The following DOCK1 variants were observed in gnomAD, a reference collection of about 807,000 sequenced individuals.
The protein encoded by DOCK1 is dedicator of cytokinesis 1.
Under a neutral mutation model 262.7 loss-of-function variants are expected in DOCK1, and 138 were observed. That is an observed-to-expected ratio of 0.53 (90% confidence interval 0.46 to 0.61). The LOEUF is 0.61. DOCK1 is among the 20% of genes least tolerant of loss of function. DOCK1 has a pLI of 0.00. For missense variants in DOCK1, 1,908 were observed against 2,370.7 expected (o/e 0.80, Z 4.05); for synonymous variants, 866 against 867.4 (o/e 1.00, Z 0.03).
intron 21 of DOCK1, among the ~76,000 whole-genome samples, chr10:127,050,972 TA>T (rs879685048): frequency 1.3e-5 from 2 of 152,058 alleles, no homozygotes; most frequent in African/African-American, 2.4e-5. Context: ...AGCAAGGAAT[TA>T]AAAAAACCTA....
intron 2 of DOCK1, among the ~76,000 whole-genome samples, chr10:126,973,425 C>T (rs894382947): frequency 6.6e-6 from 1 of 152,044 alleles, no homozygotes; most frequent in African/African-American, 2.4e-5. Flanking sequence ...GTGGACTCCT[C>T]GGGCATGTCA....
chr10:127,261,666 T>C (rs12356957), intron 29 of DOCK1, among the ~76,000 whole-genome samples: 7,528 of 61,786 alleles, frequency 0.12, 669 homozygotes, highest in East Asian at 0.15. Context: ...TGTGGGTGTG[T>C]GTGTACCTGC....
chr10:127,256,796 G>C (rs2059838660), intron 28 of DOCK1, among the ~76,000 whole-genome samples: 1 of 152,150 alleles, frequency 6.6e-6, no homozygotes. Flanking sequence ...TGCCATCTAG[G>C]AGAGTTTGGC....
chr10:127,251,675 TC>T, intron 28 of DOCK1, among the ~76,000 whole-genome samples: 1 of 150,806 alleles, frequency 6.6e-6, no homozygotes, highest in Non-Finnish European at 1.5e-5. Context: ...AATGATGATT[TC>T]CAATTTCATC....
chr10:127,306,909 A>G (rs1329714219), intron 29 of DOCK1, among the ~76,000 whole-genome samples: 1 of 152,202 alleles, frequency 6.6e-6, no homozygotes, highest in East Asian at 1.9e-4. Flanking sequence ...ACTTACATGT[A>G]TTATGTGCAA....
chr10:126,984,325 T>A (rs1262141224), intron 4 of DOCK1, among the ~76,000 whole-genome samples: 1 of 152,114 alleles, frequency 6.6e-6, no homozygotes, highest in Non-Finnish European at 1.5e-5. Flanking sequence ...TCAAAAAAAA[T>A]TATTATTATT....
At chr10:126,998,830 A>G (rs1210510895) in intron 8 of DOCK1, 1 of 157,218 alleles carries the variant, frequency 6.4e-6, no homozygotes, top group Non-Finnish European at 1.4e-5. Flanking sequence ...ACTATGTATG[A>G]ATTATGTGTG....
At chr10:127,302,308 C>T (rs370836871) in intron 29 of DOCK1, among the ~76,000 whole-genome samples, 47 of 152,140 alleles carry the variant, frequency 3.1e-4, no homozygotes, top group Middle Eastern at 6.8e-3. Context: ...AGAGCAGAGT[C>T]GTGTGCAGAC....
At chr10:127,440,127 C>A (rs1215404314) in intron 49 of DOCK1, among the ~76,000 whole-genome samples, 2 of 124,320 alleles carry the variant, frequency 1.6e-5, no homozygotes, top group Admixed American at 1.1e-4. Context: ...GGGAGGGGAG[C>A]AGGCGTGTCA....
At chr10:127,362,839 A>ACATGCACGTCCCCC in intron 33 of DOCK1, among the ~76,000 whole-genome samples, 1 of 7,506 alleles carries the variant, frequency 1.3e-4, no homozygotes. Context: ...CCACACATAC[A>ACATGCACGTCCCCC]CACACACACA....
chr10:126,981,833 C>T, intron 3 of DOCK1, 85 bp from the exon 4 acceptor site: 1 of 1,410,950 alleles, frequency 7.1e-7, no homozygotes, highest in Non-Finnish European at 9.7e-7. Flanking sequence ...CACCCCTCAC[C>T]CCACCTTTTT....
At chr10:127,288,040 G>T (rs1423344227) in intron 29 of DOCK1, among the ~76,000 whole-genome samples, 3 of 152,190 alleles carry the variant, frequency 2.0e-5, no homozygotes, top group Admixed American at 6.5e-5. Context: ...ATAAATGCTT[G>T]TCTCTTTCAT....
rs955464548 is a variant in DOCK1 at position 127,014,597 on chromosome 10, A to G, written c.1201+2223A>G. 3.9e-5 allele frequency among the ~76,000 whole-genome samples: 6 copies of G among 152,300 alleles called. No individual in the cohort carries two copies. In the East Asian group the frequency reaches 9.7e-4, roughly 25 times the overall value. On this transcript the variant is annotated intron_variant, in intron 12 of 51. Coordinates refer to ENST00000623213, the MANE Select transcript of DOCK1 (RefSeq NM_001290223.2). ...GATAATGACCTCACCACATCCTGCA[A>G]TCCTTCAAAGAGCATCTTTCTGTAA...
chr10:127,181,160 G>A (rs764123607), intron 27 of DOCK1, among the ~76,000 whole-genome samples: 50 of 152,314 alleles, frequency 3.3e-4, no homozygotes, highest in Non-Finnish European at 5.6e-4. Context: ...TGAATTTCAA[G>A]TGTGTATATG....
chr10:127,156,229 T>C (rs1460590311), intron 27 of DOCK1, among the ~76,000 whole-genome samples: 2 of 152,198 alleles, frequency 1.3e-5, no homozygotes, highest in Non-Finnish European at 2.9e-5. Flanking sequence ...ATTAGAGCCC[T>C]GAGCCTTCTA....
At chr10:126,988,794 T>C (rs1448930346) in intron 5 of DOCK1, among the ~76,000 whole-genome samples, 1 of 152,182 alleles carries the variant, frequency 6.6e-6, no homozygotes, top group East Asian at 1.9e-4. Flanking sequence ...TTATATGGGC[T>C]GGGCGCAGTG....
At chr10:127,358,162 CT>C (rs1372833083) in intron 32 of DOCK1, among the ~76,000 whole-genome samples, 1 of 152,156 alleles carries the variant, frequency 6.6e-6, no homozygotes, top group Non-Finnish European at 1.5e-5. Flanking sequence ...CAGCTGAATG[CT>C]CCATGAGTCT....
chr10:127,165,955 T>TA (rs2054032960), intron 27 of DOCK1, among the ~76,000 whole-genome samples: 1 of 152,210 alleles, frequency 6.6e-6, no homozygotes, highest in Non-Finnish European at 1.5e-5. Context: ...GCATGAACCC[T>TA]ACCAGGCCTG....
intron 1 of DOCK1, among the ~76,000 whole-genome samples, chr10:126,935,257 A>G (rs2034490339): frequency 6.6e-6 from 1 of 152,232 alleles, no homozygotes; most frequent in African/African-American, 2.4e-5. Flanking sequence ...GTAAATATTA[A>G]TATACTTTGC....
Sources: gnomAD v4.1 joint callset for allele counts (sites outside exome capture counted in the v4.1 genomes callset) on GRCh38, gnomAD v4.1.1 for gene constraint, MANE v1.5 for transcripts, NCBI Gene and HGNC (gene_info 2026-07-23, HGNC 2026-07-21) for gene names.